The following GRIK2 variants were observed in gnomAD, a reference collection of about 807,000 sequenced individuals.
The protein encoded by GRIK2 is glutamate ionotropic receptor kainate type subunit 2.
A neutral mutation model predicts 100.3 loss-of-function variants in GRIK2; 32 were observed. The observed-to-expected ratio is 0.32, with a 90% CI of 0.24 to 0.43. The LOEUF is 0.43. Among genes scored for constraint, GRIK2 ranks in the 20% least tolerant of loss-of-function variants. The pLI is 1.00. For synonymous variants in GRIK2, 417 were observed against 389.4 expected, an observed-to-expected ratio of 1.07 and a Z score of -0.83; for missense variants, 843 against 1,114.9, an observed-to-expected ratio of 0.76 and a Z score of 3.47.
intron 7 of GRIK2, among the ~76,000 whole-genome samples, chr6:101,789,635 AAT>A (rs1158565254): frequency 2.6e-5 from 4 of 152,172 alleles, no homozygotes; most frequent in South Asian, 2.1e-4. Context: ...GAAGTCAGGT[AAT>A]GTGATGCCTC....
intron 10 of GRIK2, among the ~76,000 whole-genome samples, chr6:101,848,585 A>G (rs1055509115): frequency 6.6e-6 from 1 of 152,150 alleles, no homozygotes; most frequent in African/African-American, 2.4e-5. Context: ...AGATATCTAC[A>G]TGCATCTTGT....
At chr6:101,565,151 T>C (rs1232665640) in intron 2 of GRIK2, among the ~76,000 whole-genome samples, 4 of 152,128 alleles carry the variant, frequency 2.6e-5, no homozygotes, top group Non-Finnish European at 5.9e-5. Flanking sequence ...CATCTGCACT[T>C]GATTTACCTC....
chr6:101,594,540 T>C (rs1778818212), intron 2 of GRIK2, among the ~76,000 whole-genome samples: 1 of 151,810 alleles, frequency 6.6e-6, no homozygotes, highest in Non-Finnish European at 1.5e-5. Flanking sequence ...AAAAGTTGTA[T>C]TTTACTTGAA....
At chr6:101,438,040 A>G (rs768779290) in intron 2 of GRIK2, among the ~76,000 whole-genome samples, 1 of 152,154 alleles carries the variant, frequency 6.6e-6, no homozygotes. Context: ...CCAAACAGCT[A>G]TGATACCTTG....
intron 2 of GRIK2, among the ~76,000 whole-genome samples, chr6:101,484,371 C>T (rs1274664599): frequency 2.0e-5 from 3 of 152,152 alleles, no homozygotes; most frequent in East Asian, 1.9e-4. Flanking sequence ...AGACCTACTA[C>T]AGCCTGAATA....
intron 7 of GRIK2, among the ~76,000 whole-genome samples, chr6:101,737,498 T>G (rs755608008): frequency 2.0e-5 from 3 of 152,136 alleles, no homozygotes; most frequent in African/African-American, 4.8e-5. Context: ...GGAAACTTAA[T>G]TTTTGAAGTC....
At chr6:101,753,189 A>G (rs1450830226) in intron 7 of GRIK2, among the ~76,000 whole-genome samples, 2 of 150,604 alleles carry the variant, frequency 1.3e-5, no homozygotes. Context: ...AGGCTGAGGC[A>G]GGAGAATGGC....
intron 11 of GRIK2, among the ~76,000 whole-genome samples, chr6:101,883,381 T>C (rs1786399682): frequency 6.6e-6 from 1 of 151,598 alleles, no homozygotes; most frequent in South Asian, 2.1e-4. Flanking sequence ...GTTTTATTCA[T>C]TCAAAAAATA....
At chr6:101,813,028 A>G (rs1174404163) in intron 9 of GRIK2, among the ~76,000 whole-genome samples, 1 of 150,926 alleles carries the variant, frequency 6.6e-6, no homozygotes, top group Non-Finnish European at 1.5e-5. Flanking sequence ...TATATACATG[A>G]TATACACATC....
chr6:101,886,366 GTCTA>G (rs748665167), intron 11 of GRIK2, among the ~76,000 whole-genome samples: 2 of 151,696 alleles, frequency 1.3e-5, no homozygotes, highest in Non-Finnish European at 1.5e-5. Context: ...GTCTGAATGT[GTCTA>G]TCTGTATCCT....
At position 102,045,153 on chromosome 6, in the gene GRIK2, C is replaced by A. The variant is rs542137743; in HGVS notation, c.2311+9587C>A. The stretch of plus-strand genomic sequence containing the variant: ...AGTATATAATGGTGAACAATATAAC[C>A]ATGACCCCTGCCCTGCTAGAGTTCT... On this transcript the variant is annotated intron_variant, in intron 15 of 16. Coordinates refer to ENST00000369134, the MANE Select transcript of GRIK2 (RefSeq NM_021956.5). Among the ~76,000 whole-genome samples the A allele has an allele frequency of 1.8e-4, 28 of 152,048 alleles. 1 individual carries two copies. The highest frequency in any genetic ancestry group is 6.5e-4 in the African/African-American group (27 of 41,512).
At chr6:101,630,545 CT>C (rs1298908087) in intron 4 of GRIK2, among the ~76,000 whole-genome samples, 4 of 151,930 alleles carry the variant, frequency 2.6e-5, no homozygotes, top group African/African-American at 9.7e-5. Flanking sequence ...CCTTTGCTTA[CT>C]TTTTTAATGG....
chr6:101,962,916 T>C (rs1011182731), intron 14 of GRIK2, among the ~76,000 whole-genome samples: 5 of 152,060 alleles, frequency 3.3e-5, no homozygotes, highest in African/African-American at 1.2e-4. Flanking sequence ...TTGCTATCTT[T>C]ATTTTTAACC....
At chr6:101,767,555 T>C (rs1355663978) in intron 7 of GRIK2, among the ~76,000 whole-genome samples, 1 of 152,198 alleles carries the variant, frequency 6.6e-6, no homozygotes. Context: ...TATCTATTAA[T>C]TCTAACTTGG....
chr6:102,064,012 A>ATCTT, intron 16 of GRIK2: 1 of 1,547,754 alleles, frequency 6.5e-7, no homozygotes, highest in Non-Finnish European at 8.9e-7. Context: ...CTGTTTAGTA[A>ATCTT]TCTTTTGAAA....
chr6:102,041,886 T>C (rs981944519), intron 15 of GRIK2, among the ~76,000 whole-genome samples: 1 of 151,638 alleles, frequency 6.6e-6, no homozygotes, highest in Non-Finnish European at 1.5e-5. Flanking sequence ...TAGAACTGTC[T>C]TGTCTTTGTA....
At chr6:101,700,451 G>A (rs757230032) in intron 7 of GRIK2, among the ~76,000 whole-genome samples, 17 of 151,954 alleles carry the variant, frequency 1.1e-4, no homozygotes, top group Middle Eastern at 3.2e-3. Context: ...ATAATGGAAA[G>A]CCATTAAAGA....
At chr6:101,902,221 T>C (rs1427981213) in intron 12 of GRIK2, among the ~76,000 whole-genome samples, 1 of 151,946 alleles carries the variant, frequency 6.6e-6, no homozygotes, top group East Asian at 1.9e-4. Context: ...AAATTAGTTA[T>C]TGCAAGCCAG....
chr6:101,475,207 A>G (rs1240327857), intron 2 of GRIK2, among the ~76,000 whole-genome samples: 6 of 151,930 alleles, frequency 3.9e-5, no homozygotes, highest in African/African-American at 1.2e-4. Context: ...GAGAAGGTGT[A>G]TTGTGCCCTA....
Sources: allele counts gnomAD v4.1 joint callset (sites outside exome capture counted in the v4.1 genomes callset), GRCh38; gene constraint gnomAD v4.1.1; transcripts MANE v1.5; gene names NCBI Gene and HGNC (gene_info 2026-07-23, HGNC 2026-07-21).